Variants in VGLL4 observed in about 807,000 individuals in gnomAD.
VGLL4 encodes the protein vestigial like family member 4.
In VGLL4, 7 loss-of-function variants were observed where a neutral mutation model predicts 21.0. The observed-to-expected ratio is 0.33, with a 90% CI of 0.19 to 0.63. The LOEUF (loss-of-function observed/expected upper bound fraction) is 0.63. VGLL4 is among the 20% of genes least tolerant of loss of function. The pLI is 0.78. For synonymous variants in VGLL4, 222 were observed against 173.2 expected (o/e 1.28, Z -2.21); for missense variants, 394 against 425.7 (o/e 0.93, Z 0.66).
chr3:11,657,946 G>C (rs867226199), intron 2 of VGLL4, among the ~76,000 whole-genome samples: 16 of 152,172 alleles, frequency 1.1e-4, no homozygotes, highest in South Asian at 4.1e-4. Context: ...TTCTTCTTGA[G>C]ACAGGGTCTT....
In VGLL4 at chr3:11,568,109, C is replaced by T. The variant is rs1575384493; in HGVS notation, c.273-3090G>A. ...GAAAGGCCCGGGAGGGGCTGCAGCT[C>T]CCAAGTGACAGCTCTGGATCCGGGC... On this transcript the variant is annotated intron_variant, in intron 2 of 4. Transcript: ENST00000430365. The surrounding 1 kb of genome is among the most constrained non-coding windows in gnomAD (Gnocchi z 5.9). 6.6e-6 allele frequency among the ~76,000 whole-genome samples: 1 copy of T among 152,202 alleles called. No homozygotes were observed. Among genetic ancestry groups the T allele is most frequent in the East Asian group, 1.9e-4 (1 of 5,190 alleles).
Position 11,556,610 on chromosome 3 carries a change from T to TCAA in VGLL4, c.*1943_*1945dup, listed in dbSNP as rs1369477965. 3.9e-5 allele frequency: 6 copies of TCAA among 151,956 alleles called. No individual in the cohort carries two copies. Among genetic ancestry groups the TCAA allele is most frequent in the Admixed American group, 6.6e-5 (1 of 15,252 alleles). The allele number at this position is 151,956 out of a possible 1,614,324, so 9.4% of individuals were successfully genotyped here. ...GACAAATCTACGACAAAAAAAAAGATCAACTTTTTTTTTCCGAACAACAAA... is the reference window on the plus strand; with the variant it reads ...GACAAATCTACGACAAAAAAAAAGATCAACAACTTTTTTTTTCCGAACAACAAA... On this transcript the variant is annotated 3_prime_UTR_variant, in exon 5 of 5. Transcript: ENST00000430365.
intron 1 of VGLL4, among the ~76,000 whole-genome samples, chr3:11,628,003 G>C (rs1303075262): frequency 6.6e-6 from 1 of 152,102 alleles, no homozygotes; most frequent in Non-Finnish European, 1.5e-5. Context: ...CTACATGAGA[G>C]GCTTCTGAAG....
At chr3:11,656,159 A>G (rs570532605) in intron 2 of VGLL4, among the ~76,000 whole-genome samples, 32 of 152,204 alleles carry the variant, frequency 2.1e-4, no homozygotes, top group Non-Finnish European at 4.4e-4. Context: ...AAGGCTCATG[A>G]TCCCTAAGGA....
chr3:11,604,338 T>C, intron 1 of VGLL4: 1 of 912,428 alleles, frequency 1.1e-6, no homozygotes, highest in Non-Finnish European at 1.3e-6. Context: ...GATCCTCCAG[T>C]TAACAGGTTA....
chr3:11,581,948 C>T (rs2074240285), intron 2 of VGLL4, among the ~76,000 whole-genome samples: 1 of 152,196 alleles, frequency 6.6e-6, no homozygotes, highest in Non-Finnish European at 1.5e-5. Flanking sequence ...TGGTTACTTC[C>T]AATCCATGAA....
chr3:11,568,599 A>T lies in VGLL4; in HGVS notation c.273-3580T>A. 1 of 1,566,054 alleles carries T rather than the reference A, an allele frequency of 6.4e-7. No homozygotes were observed. Among genetic ancestry groups the T allele is most frequent in the East Asian group, 2.4e-5 (1 of 42,468 alleles). ...GTTAATTTTAGTAAAATTATACATT[A>T]CTCACATTTCCAGCTCATTTTCCTG... On this transcript the variant is annotated intron_variant, in intron 2 of 4. Coordinates refer to ENST00000430365, the MANE Select transcript of VGLL4 (RefSeq NM_001128219.3). The surrounding 1 kb of genome is among the most constrained non-coding windows in gnomAD (Gnocchi z 5.9).
At chr3:11,646,063 C>CAGGGGAAGTAAGTAAT (rs1220386487), upstream of VGLL4, among the ~76,000 whole-genome samples, 1 of 152,098 alleles carries the variant, frequency 6.6e-6, no homozygotes, top group Non-Finnish European at 1.5e-5. Context: ...GGGGTGACAT[C>CAGGGGAAGTAAGTAAT]AGGGGAAGTA....
At chr3:11,576,099 CTG>C (rs2074036197) in intron 2 of VGLL4, among the ~76,000 whole-genome samples, 1 of 152,222 alleles carries the variant, frequency 6.6e-6, no homozygotes, top group Admixed American at 6.5e-5. Context: ...CAGGTCATGG[CTG>C]AGAACATGAC....
rs1263963878 is a variant in VGLL4 at position 11,565,755 on chromosome 3, G to T, written c.273-736C>A. 6.6e-6 allele frequency among the ~76,000 whole-genome samples: 1 copy of T among 152,200 alleles called. No homozygotes were observed. Among genetic ancestry groups the T allele is most frequent in the Non-Finnish European group, 1.5e-5 (1 of 68,042 alleles). Reference sequence around the variant, plus strand: ...CCAGGCGATGCCACGTGGAATCCAGGTGAGACAGTCAGCACCACCTCCATC... The same window carrying T: ...CCAGGCGATGCCACGTGGAATCCAGTTGAGACAGTCAGCACCACCTCCATC... On this transcript the variant is annotated intron_variant, in intron 2 of 4. Transcript: ENST00000430365. The surrounding 1 kb of genome is among the most constrained non-coding windows in gnomAD (Gnocchi z 4.1).
At chr3:11,574,448 C>T (rs560125216) in intron 2 of VGLL4, among the ~76,000 whole-genome samples, 4 of 152,242 alleles carry the variant, frequency 2.6e-5, no homozygotes, top group Admixed American at 6.5e-5. Flanking sequence ...CAAGTCAGCC[C>T]AGACCTGCCA....
chr3:11,699,212 A>C (rs931875162), intron 2 of VGLL4, among the ~76,000 whole-genome samples: 6 of 152,322 alleles, frequency 3.9e-5, no homozygotes, highest in Admixed American at 3.9e-4. Flanking sequence ...ATCGAAACCT[A>C]ATGTTCAACT....
At chr3:11,661,206 AC>A (rs1480738415) in intron 2 of VGLL4, among the ~76,000 whole-genome samples, 1 of 151,996 alleles carries the variant, frequency 6.6e-6, no homozygotes. Context: ...CCCCGACTCC[AC>A]CCCAGCTCCT....
In VGLL4 at chr3:11,719,696, T is replaced by C. The variant is rs2076967006; in HGVS notation, c.-14+698A>G. On this transcript the variant is annotated intron_variant, in intron 1 of 5. Coordinates refer to the VGLL4 transcript ENST00000273038. This position sits in a 1 kb window ranked among gnomAD's most constrained non-coding sequence, Gnocchi z 4.0. The stretch of plus-strand genomic sequence containing the variant: ...CCGCCAGGCCAGCCAGGCCACGCCC[T>C]CGGTCACGCCCCTCACGGAGCAGGT... The C allele has an allele frequency of 6.6e-6, 1 of 151,152 alleles. No individual in the cohort carries two copies. The highest frequency in any genetic ancestry group is 2.1e-4 in the South Asian group (1 of 4,780). 9.4% of individuals were successfully genotyped at this position (151,152 alleles called of 1,614,324 possible).
chr3:11,678,626 G>A (rs1488249047), intron 2 of VGLL4, among the ~76,000 whole-genome samples: 1 of 152,168 alleles, frequency 6.6e-6, no homozygotes, highest in Non-Finnish European at 1.5e-5. Context: ...CCAGGAGGTC[G>A]AGGCTGCAGT....
intron 1 of VGLL4, among the ~76,000 whole-genome samples, chr3:11,705,847 C>G (rs1344707422): frequency 1.3e-5 from 2 of 151,080 alleles, no homozygotes; most frequent in African/African-American, 4.9e-5. Flanking sequence ...CATGAACCCG[C>G]GAGGCGGAGC....
At chr3:11,609,243 G>T (rs138964110) in intron 1 of VGLL4, among the ~76,000 whole-genome samples, 1 of 152,196 alleles carries the variant, frequency 6.6e-6, no homozygotes, top group Non-Finnish European at 1.5e-5. Context: ...GGCTCTAATG[G>T]ACTACATCTT....
intron 1 of VGLL4, among the ~76,000 whole-genome samples, chr3:11,634,320 C>T (rs568092592): frequency 5.9e-5 from 9 of 152,172 alleles, no homozygotes; most frequent in South Asian, 2.1e-4. Context: ...GTGTCTCCTA[C>T]GTCCTCTCCC....
At chr3:11,710,443 A>G (rs2076825655) in intron 1 of VGLL4, 1 of 152,200 alleles carries the variant, frequency 6.6e-6, no homozygotes, top group African/African-American at 2.4e-5. Flanking sequence ...TTTAGGTAAG[A>G]GTACGAGAAC....
Sources: allele counts gnomAD v4.1 joint callset (sites outside exome capture counted in the v4.1 genomes callset), GRCh38; gene constraint gnomAD v4.1.1; non-coding constraint Gnocchi (gnomAD v3.1); transcripts MANE v1.5; gene names NCBI Gene and HGNC (gene_info 2026-07-23, HGNC 2026-07-21).